Variants in ENTREP2 observed in about 807,000 individuals in gnomAD.
ENTREP2 encodes endosomal transmembrane epsin interactor 2.
the ENTREP2 span, among the ~76,000 whole-genome samples, chr15:29,624,906 T>TGTG: frequency 1.3e-5 from 2 of 151,044 alleles, no homozygotes; most frequent in Non-Finnish European, 2.9e-5. Flanking sequence ...TGTGTGTGTG[T>TGTG]GTATAGTTTT....
the ENTREP2 span, among the ~76,000 whole-genome samples, chr15:29,272,537 C>G: frequency 1.3e-5 from 2 of 152,250 alleles, no homozygotes; most frequent in African/African-American, 4.8e-5. Flanking sequence ...TTGGAAAGAG[C>G]TTTATTTCTC....
the ENTREP2 span, among the ~76,000 whole-genome samples, chr15:29,637,511 T>C: frequency 6.6e-6 from 1 of 152,196 alleles, no homozygotes. Flanking sequence ...TAACTGGATG[T>C]GTGAGGTTAT....
the ENTREP2 span, among the ~76,000 whole-genome samples, chr15:29,329,222 G>A: frequency 6.6e-6 from 1 of 151,756 alleles, no homozygotes; most frequent in African/African-American, 2.4e-5. Flanking sequence ...AATTAGCCGG[G>A]CATGGTGGCA....
the ENTREP2 span, among the ~76,000 whole-genome samples, chr15:29,382,199 T>G: frequency 6.6e-6 from 1 of 151,076 alleles, no homozygotes; most frequent in African/African-American, 2.4e-5. Context: ...GAGGCAGAGG[T>G]TGCAGTGAGC....
At chr15:29,300,661 C>T in the ENTREP2 span, among the ~76,000 whole-genome samples, 2 of 152,064 alleles carry the variant, frequency 1.3e-5, no homozygotes, top group African/African-American at 2.4e-5. Context: ...TGCAGTGGTG[C>T]GATCTCGGCT....
At chr15:29,540,789 CACCA>C in the ENTREP2 span, among the ~76,000 whole-genome samples, 1 of 152,204 alleles carries the variant, frequency 6.6e-6, no homozygotes, top group East Asian at 1.9e-4. Flanking sequence ...GTGTGATCTG[CACCA>C]ACCAGGGATC....
chr15:29,450,553 T>C, the ENTREP2 span, among the ~76,000 whole-genome samples: 1 of 152,204 alleles, frequency 6.6e-6, no homozygotes, highest in Non-Finnish European at 1.5e-5. Context: ...GAAAGCAGTG[T>C]GGCAATTCCT....
chr15:29,187,278 CTTT>C, the ENTREP2 span, among the ~76,000 whole-genome samples: 1 of 151,230 alleles, frequency 6.6e-6, no homozygotes, highest in African/African-American at 2.4e-5. Context: ...TTCTTTTCTT[CTTT>C]TTTTTTCTTT....
At chr15:29,252,313 T>TA in the ENTREP2 span, 1 of 1,107,660 alleles carries the variant, frequency 9.0e-7, no homozygotes, top group Middle Eastern at 2.0e-4. Context: ...AAATTGCTCT[T>TA]GTACAAAATC....
the ENTREP2 span, among the ~76,000 whole-genome samples, chr15:29,355,626 A>G: frequency 1.3e-5 from 2 of 152,206 alleles, no homozygotes; most frequent in Non-Finnish European, 2.9e-5. Context: ...TGAAACTTAC[A>G]CTGGCTTCAG....
chr15:29,496,964 A>G, the ENTREP2 span, among the ~76,000 whole-genome samples: 1 of 152,306 alleles, frequency 6.6e-6, no homozygotes, highest in East Asian at 1.9e-4. Flanking sequence ...TATGCCCTCC[A>G]AAGTTAATGT....
At chr15:29,300,540 A>G in the ENTREP2 span, among the ~76,000 whole-genome samples, 1 of 152,222 alleles carries the variant, frequency 6.6e-6, no homozygotes, top group African/African-American at 2.4e-5. Context: ...TTAAAACTCT[A>G]TGTGTTGTTA....
At chr15:29,638,792 G>A in the ENTREP2 span, among the ~76,000 whole-genome samples, 1 of 149,158 alleles carries the variant, frequency 6.7e-6, no homozygotes, top group East Asian at 2.2e-4. Context: ...TATCACTGTG[G>A]CATTCATTGC....
At chr15:29,293,781 T>A in the ENTREP2 span, among the ~76,000 whole-genome samples, 17 of 152,178 alleles carry the variant, frequency 1.1e-4, no homozygotes, top group East Asian at 2.9e-3. Context: ...AGAGATGGAG[T>A]GTGGGGTCCA....
the ENTREP2 span, among the ~76,000 whole-genome samples, chr15:29,620,397 C>T: frequency 6.6e-6 from 1 of 152,084 alleles, no homozygotes; most frequent in African/African-American, 2.4e-5. Context: ...GGACAGTGCA[C>T]CTGGGCTGTG....
chr15:29,434,673 A>T, the ENTREP2 span, among the ~76,000 whole-genome samples: 1 of 152,158 alleles, frequency 6.6e-6, no homozygotes, highest in Admixed American at 6.5e-5. Context: ...CACATGAATA[A>T]CCAAACTACT....
the ENTREP2 span, among the ~76,000 whole-genome samples, chr15:29,333,291 C>A: frequency 6.6e-6 from 1 of 152,254 alleles, no homozygotes; most frequent in African/African-American, 2.4e-5. Context: ...GAAGCTGATG[C>A]CACCTCTGAC....
At chr15:29,605,702 G>GC in the ENTREP2 span, among the ~76,000 whole-genome samples, 2 of 89,506 alleles carry the variant, frequency 2.2e-5, no homozygotes, top group Non-Finnish European at 2.4e-5. Flanking sequence ...TGGGCATGAT[G>GC]GGGGGGTGCC....
the ENTREP2 span, among the ~76,000 whole-genome samples, chr15:29,658,964 G>A: frequency 6.6e-6 from 1 of 152,216 alleles, no homozygotes; most frequent in Admixed American, 6.5e-5. Context: ...CAACTAAAGA[G>A]CAATGAGACT....
Sources: allele counts gnomAD v4.1 joint callset (sites outside exome capture counted in the v4.1 genomes callset), GRCh38; gene constraint gnomAD v4.1.1; transcripts MANE v1.5; gene names NCBI Gene and HGNC (gene_info 2026-07-23, HGNC 2026-07-21).